Variants in ERBB4 observed in about 807,000 individuals in gnomAD.
ERBB4 encodes erb-b2 receptor tyrosine kinase 4.
Under a neutral mutation model 158.0 loss-of-function variants are expected in ERBB4, and 42 were observed. That is an observed-to-expected ratio of 0.27 (90% CI 0.21 to 0.34). The LOEUF (loss-of-function observed/expected upper bound fraction) is 0.34, where lower values mean the gene tolerates loss of function less well. Ranked by LOEUF, ERBB4 falls within the 10% of genes least tolerant of loss-of-function variation. The pLI is 1.00. For synonymous variants in ERBB4, 583 were observed against 558.7 expected (o/e 1.04, Z -0.61); for missense variants, 1,333 against 1,624.1 (o/e 0.82, Z 3.08).
chr2:211,573,601 C>T (rs1005212247), intron 19 of ERBB4, among the ~76,000 whole-genome samples: 2 of 151,970 alleles, frequency 1.3e-5, no homozygotes, highest in Non-Finnish European at 2.9e-5. Flanking sequence ...GCCCAGGAGG[C>T]GGAGCTTGCA....
At chr2:211,428,512 A>T (rs770512089) in intron 21 of ERBB4, 29 bp from the exon 22 acceptor site, 10 of 1,203,398 alleles carry the variant, frequency 8.3e-6, no homozygotes, top group Middle Eastern at 2.0e-4. Context: ...TAAAAGTTTT[A>T]AAATTACATT....
intron 2 of ERBB4, among the ~76,000 whole-genome samples, chr2:211,975,282 C>T (rs2081574275): frequency 6.6e-6 from 1 of 152,142 alleles, no homozygotes; most frequent in Admixed American, 6.5e-5. Context: ...ACCGTGGCTC[C>T]CCCACGCTTA....
At chr2:212,518,747 G>A (rs1319585199) in intron 1 of ERBB4, among the ~76,000 whole-genome samples, 1 of 152,008 alleles carries the variant, frequency 6.6e-6, no homozygotes, top group Non-Finnish European at 1.5e-5. Context: ...ACAGGAACGG[G>A]AGGGGAGGAA....
At chr2:212,385,225 G>T (rs1209980251) in intron 1 of ERBB4, among the ~76,000 whole-genome samples, 2 of 151,654 alleles carry the variant, frequency 1.3e-5, no homozygotes, top group African/African-American at 4.8e-5. Context: ...TCAGCATGTT[G>T]AATAAATATA....
At chr2:211,607,865 A>ATTT (rs1553589856) in intron 19 of ERBB4, among the ~76,000 whole-genome samples, 11 of 74,218 alleles carry the variant, frequency 1.5e-4, no homozygotes, top group Admixed American at 7.1e-4. Context: ...TTCGCATCAG[A>ATTT]TTTTTTTTTT....
At chr2:212,479,887 G>A (rs1215001493) in intron 1 of ERBB4, among the ~76,000 whole-genome samples, 2 of 152,096 alleles carry the variant, frequency 1.3e-5, no homozygotes, top group Admixed American at 6.6e-5. Flanking sequence ...GATGATTGCT[G>A]CCTAATGGTA....
intron 20 of ERBB4, among the ~76,000 whole-genome samples, chr2:211,504,706 G>T (rs868005207): frequency 8.6e-5 from 13 of 151,996 alleles, no homozygotes; most frequent in African/African-American, 2.9e-4. Flanking sequence ...CCAACACAAA[G>T]AATTCAAGAA....
intron 3 of ERBB4, among the ~76,000 whole-genome samples, chr2:211,867,554 T>C (rs1017957930): frequency 4.6e-5 from 7 of 152,316 alleles, no homozygotes; most frequent in African/African-American, 1.7e-4. Context: ...AAAAATCACA[T>C]AAAACATGTA....
intron 2 of ERBB4, among the ~76,000 whole-genome samples, chr2:212,009,044 AGAAATTTTAGTTATATGTTTTT>A (rs2076320223): frequency 2.1e-3 from 2 of 936 alleles, no homozygotes; most frequent in African/African-American, 3.2e-3. Flanking sequence ...TTTTCTAAAC[AGAAATTTTAGTTATATGTTTTT>A]CTAAACAGAA....
chr2:211,915,775 TC>T (rs1298557052), intron 3 of ERBB4, among the ~76,000 whole-genome samples: 1 of 151,704 alleles, frequency 6.6e-6, no homozygotes, highest in Non-Finnish European at 1.5e-5. Context: ...GGAAAGCTTT[TC>T]CCCTCCATAA....
intron 2 of ERBB4, among the ~76,000 whole-genome samples, chr2:212,112,802 T>C (rs2079452617): frequency 6.6e-6 from 1 of 152,244 alleles, no homozygotes; most frequent in East Asian, 1.9e-4. Context: ...CATGCCAACA[T>C]GAAACGTGAG....
intron 1 of ERBB4, among the ~76,000 whole-genome samples, chr2:212,175,749 T>A (rs1488835423): frequency 1.3e-5 from 2 of 151,906 alleles, no homozygotes; most frequent in Non-Finnish European, 2.9e-5. Context: ...CATCATAGAA[T>A]AAAATTGAGG....
intron 1 of ERBB4, among the ~76,000 whole-genome samples, chr2:212,330,574 C>A (rs2088088719): frequency 6.6e-6 from 1 of 151,986 alleles, no homozygotes; most frequent in South Asian, 2.1e-4. Context: ...GATCACACCA[C>A]TGCACTCCAG....
chr2:211,616,253 A>T (rs1486562919), intron 19 of ERBB4, among the ~76,000 whole-genome samples: 1 of 152,110 alleles, frequency 6.6e-6, no homozygotes, highest in Admixed American at 6.6e-5. Flanking sequence ...ACTGGCTGCC[A>T]GAGTCTCTCC....
intron 20 of ERBB4, among the ~76,000 whole-genome samples, chr2:211,551,245 A>C (rs1473189462): frequency 2.6e-5 from 4 of 152,310 alleles, no homozygotes; most frequent in African/African-American, 9.6e-5. Context: ...CCGCTGACAT[A>C]CACAAAAGGT....
chr2:212,490,717 A>C (rs1690228661), intron 1 of ERBB4, among the ~76,000 whole-genome samples: 1 of 151,806 alleles, frequency 6.6e-6, no homozygotes, highest in African/African-American at 2.4e-5. Flanking sequence ...AAATATGGTG[A>C]AGTTCAATAA....
intron 26 of ERBB4, 151 bp downstream of exon 26, chr2:211,387,794 C>G (rs1427070227): frequency 1.4e-6 from 1 of 710,974 alleles, no homozygotes; most frequent in African/African-American, 1.7e-5. Flanking sequence ...GATAAAAACA[C>G]ATCTACAAAG....
rs1379206749 is a variant in ERBB4, at chr2:211,551,173, C to T, written c.2487+10730G>A. Among the ~76,000 whole-genome samples, 3 of 152,008 alleles carry T rather than the reference C, an allele frequency of 2.0e-5. No individual in the cohort carries two copies. In the South Asian group the frequency reaches 6.2e-4, roughly 32 times the overall value. ...TCCTTAGACTAGTATGCAGTGTGAC[C>T]CTGGTAGAGTCACTGAAGCTATTTA... On this transcript the variant is annotated intron_variant, in intron 20 of 27. Coordinates refer to ENST00000342788, the MANE Select transcript of ERBB4 (RefSeq NM_005235.3).
intron 4 of ERBB4, among the ~76,000 whole-genome samples, chr2:211,770,778 T>C (rs993106372): frequency 1.3e-5 from 2 of 152,164 alleles, no homozygotes; most frequent in African/African-American, 2.4e-5. Context: ...TCTTAATACC[T>C]ACCTCACATA....
Sources: gnomAD v4.1 joint callset for allele counts (sites outside exome capture counted in the v4.1 genomes callset) on GRCh38, gnomAD v4.1.1 for gene constraint, MANE v1.5 for transcripts, NCBI Gene and HGNC (gene_info 2026-07-23, HGNC 2026-07-21) for gene names.